SCAMP4: variants seen among roughly 807,000 people sequenced by gnomAD.
The protein encoded by SCAMP4 is secretory carrier membrane protein 4, also known as secretory carrier-associated membrane protein 4.
In SCAMP4, 19 loss-of-function variants were observed where a neutral mutation model predicts 32.1. The ratio of observed to expected loss-of-function variants is 0.59; its 90% CI spans 0.41 to 0.87. The LOEUF is 0.87. Ranked by LOEUF, SCAMP4 falls within the 40% of genes least tolerant of loss-of-function variation. The pLI is 0.00. For missense variants in SCAMP4, 302 were observed against 309.0 expected, an observed-to-expected ratio of 0.98 and a Z score of 0.17; for synonymous variants, 152 against 132.7, an observed-to-expected ratio of 1.15 and a Z score of -1.00.
intron 1 of SCAMP4, chr19:1,912,938 C>T (rs754201602): frequency 6.2e-7 from 1 of 1,610,404 alleles, no homozygotes; most frequent in East Asian, 2.2e-5. Flanking sequence ...TGTGCACTGG[C>T]TACGACCTGT....
intron 4 of SCAMP4, 39 bp from the exon 5 acceptor site, chr19:1,918,850 A>C: frequency 6.4e-7 from 1 of 1,573,398 alleles, no homozygotes; most frequent in Non-Finnish European, 8.6e-7. Flanking sequence ...GGGAGAAGCC[A>C]GGGCTGTGGT....
At chr19:1,905,601 T>C (rs2013062119) in intron 1 of SCAMP4, 162 bp downstream of exon 1, 1 of 165,218 alleles carries the variant, frequency 6.1e-6, no homozygotes, top group African/African-American at 2.5e-5. Flanking sequence ...GGCGGGCCGG[T>C]GGGCGACGCG....
Position 1,924,483 on chromosome 19 carries a change from C to A in SCAMP4, c.*199C>A. On this transcript the variant is annotated 3_prime_UTR_variant, in exon 7 of 7. Coordinates refer to ENST00000316097, the MANE Select transcript of SCAMP4 (RefSeq NM_079834.4). ...TCTCATCCGAGAGCGGAGTTCCTCA[C>A]AAGCACTCCCCAGCAGCCCTTGGCC... 1.7e-6 allele frequency: 1 copy of A among 595,908 alleles called. No individual in the cohort carries two copies. The highest frequency in any genetic ancestry group is 2.0e-5 in the South Asian group (1 of 51,030). The allele number at this position is 595,908 out of a possible 1,614,324, so 36.9% of individuals were successfully genotyped here. A position where few individuals can be genotyped will look rare whatever the true frequency, so the allele number is the denominator to read the frequency against.
rs1361754686 is a variant in SCAMP4, at chr19:1,908,965, C to T, written c.-42+3526C>T. ...ACTGAAAATACAAAAATTAGCCGGGCGTGGTGGCATGTGCCTGTATTCCCA... is the reference window on the plus strand; with the variant it reads ...ACTGAAAATACAAAAATTAGCCGGGTGTGGTGGCATGTGCCTGTATTCCCA... On this transcript the variant is annotated intron_variant, in intron 1 of 6. Coordinates refer to ENST00000316097, the MANE Select transcript of SCAMP4 (RefSeq NM_079834.4). The surrounding 1 kb of genome is among the most constrained non-coding windows in gnomAD (Gnocchi z 4.2). 2.0e-5 allele frequency among the ~76,000 whole-genome samples: 3 copies of T among 152,022 alleles called. No homozygotes were observed. Among genetic ancestry groups the T allele is most frequent in the Non-Finnish European group, 2.9e-5 (2 of 68,002 alleles).
At chr19:1,906,436 G>A (rs944102160) in intron 1 of SCAMP4, 14 of 151,976 alleles carry the variant, frequency 9.2e-5, no homozygotes, top group Admixed American at 3.9e-4. Flanking sequence ...CTACTTGGGA[G>A]GCTGAGGCAG....
rs907795157 is a variant in SCAMP4, at chr19:1,917,686, C to T, written c.8-8C>T. On this transcript the variant is annotated splice_region_variant and splice_polypyrimidine_tract_variant and intron_variant, in intron 2 of 6. Coordinates refer to ENST00000316097, the MANE Select transcript of SCAMP4 (RefSeq NM_079834.4). ...CTGGTTCTGTCCGTGGGTTCTCTGT[C>T]CCTACAGAAAAGGAGAACAACTTCC... 1.2e-6 allele frequency: 2 copies of T among 1,613,900 alleles called. No homozygotes were observed. The highest frequency in any genetic ancestry group is 1.7e-6 in the Non-Finnish European group (2 of 1,179,852).
chr19:1,922,583 A>T (rs890520305), intron 5 of SCAMP4: 41 of 985,292 alleles, frequency 4.2e-5, no homozygotes, highest in Non-Finnish European at 4.8e-5. Flanking sequence ...TGATGGTGGC[A>T]GATTTTCCAT....
rs2013970707 is a variant in SCAMP4, at chr19:1,923,061, C to T, written c.396-9C>T. 1 of 1,546,510 alleles carries T rather than the reference C, an allele frequency of 6.5e-7. No individual in the cohort carries two copies. Among genetic ancestry groups the T allele is most frequent in the Non-Finnish European group, 8.7e-7 (1 of 1,144,640 alleles). ...TGCAGGCACCCACGCACTCTCTTGT[C>T]CCTTGCAGCGGCTGGCTGTCGGCAA... On this transcript the variant is annotated splice_polypyrimidine_tract_variant and intron_variant, in intron 5 of 6. Transcript: ENST00000316097.
intron 5 of SCAMP4, chr19:1,922,211 G>A (rs1460699578): frequency 2.8e-5 from 28 of 985,322 alleles, no homozygotes; most frequent in South Asian, 4.7e-5. Context: ...GACCCAGGGC[G>A]TGCTGGCCTT....
chr19:1,914,875 G>A, intron 1 of SCAMP4, 104 bp from the exon 2 acceptor site: 1 of 938,718 alleles, frequency 1.1e-6, no homozygotes, highest in East Asian at 2.5e-5. Context: ...GCTGTTTCCA[G>A]AGCACAGGGC....
Position 1,925,822 on chromosome 19 carries a change from C to G in SCAMP4, c.*1538C>G, listed in dbSNP as rs2014080277. On this transcript the variant is annotated 3_prime_UTR_variant, in exon 7 of 7. Coordinates refer to ENST00000316097, the MANE Select transcript of SCAMP4 (RefSeq NM_079834.4). The stretch of plus-strand genomic sequence containing the variant: ...CGGCCATGCTTCAGGGTCTTCAGGT[C>G]CTGCCCCCGGCCAGTCTGCCAAGAG... The G allele has an allele frequency of 6.5e-6, 1 of 152,682 alleles. No homozygotes were observed. The highest frequency in any genetic ancestry group is 2.1e-4 in the South Asian group (1 of 4,830). 9.5% of individuals were successfully genotyped at this position (152,682 alleles called of 1,614,324 possible).
At chr19:1,921,114 T>C in intron 5 of SCAMP4, 1 of 985,432 alleles carries the variant, frequency 1.0e-6, no homozygotes, top group East Asian at 1.1e-4. Context: ...TGTCCACCGT[T>C]GGCTTAGTGA....
At chr19:1,910,338 G>C (rs897735969) in intron 1 of SCAMP4, among the ~76,000 whole-genome samples, 3 of 152,214 alleles carry the variant, frequency 2.0e-5, no homozygotes, top group Non-Finnish European at 2.9e-5. Context: ...TGGCCCTTCT[G>C]TCTGGAAGCC....
intron 1 of SCAMP4, chr19:1,913,376 C>G: frequency 3.0e-6 from 2 of 660,358 alleles, no homozygotes; most frequent in Non-Finnish European, 2.6e-6. Flanking sequence ...GCCGCCCTTG[C>G]TGCGTTTGTG....
rs2014061430 is a variant in SCAMP4 at position 1,925,237 on chromosome 19, ACAGTT to A, written c.*954_*958del. ...CTCAGCCTCCCAAATAGCTGGGATT[ACAGTT>A]GCCTGCCACCACGCCCAGCTAATTT... is the stretch of plus-strand genomic sequence containing the variant. On this transcript the variant is annotated 3_prime_UTR_variant, in exon 7 of 7. Coordinates refer to ENST00000316097, the MANE Select transcript of SCAMP4 (RefSeq NM_079834.4). 1.3e-5 allele frequency: 2 copies of A among 152,204 alleles called. No individual in the cohort carries two copies. The highest frequency in any genetic ancestry group is 2.4e-5 in the African/African-American group (1 of 41,414). The allele number at this position is 152,204 out of a possible 1,614,324, so 9.4% of individuals were successfully genotyped here.
intron 1 of SCAMP4, among the ~76,000 whole-genome samples, chr19:1,909,179 T>G (rs2013302198): frequency 6.9e-6 from 1 of 145,042 alleles, no homozygotes; most frequent in Non-Finnish European, 1.5e-5. Context: ...TGCGAGTCTG[T>G]GGGGGCAGAT....
chr19:1,919,189 C>CG, intron 5 of SCAMP4, 199 bp downstream of exon 5: 1 of 1,421,374 alleles, frequency 7.0e-7, no homozygotes, highest in Non-Finnish European at 9.2e-7. Context: ...AGCCATGGTT[C>CG]GCGATTGTAG....
rs763873341 is a variant in SCAMP4 at position 1,918,882 on chromosome 19, TC to T, written c.294-3del. 1.9e-6 allele frequency: 3 copies of T among 1,598,530 alleles called. No individual in the cohort carries two copies. The highest frequency in any genetic ancestry group is 2.3e-5 in the South Asian group (2 of 88,364). ...TGGTAACCGTCGTGTTTTCTGTCCC[TC>T]CCCAGAGCCGACAGCTCCTTTAATT... On this transcript the variant is annotated splice_polypyrimidine_tract_variant and splice_region_variant and intron_variant, in intron 4 of 6. Transcript: ENST00000316097.
chr19:1,908,509 C>T lies in SCAMP4; in HGVS notation c.-42+3070C>T, dbSNP rs764117302. On this transcript the variant is annotated intron_variant, in intron 1 of 6. Coordinates refer to ENST00000316097, the MANE Select transcript of SCAMP4 (RefSeq NM_079834.4). This position sits in a 1 kb window ranked among gnomAD's most constrained non-coding sequence, Gnocchi z 4.2. ...CTGCGGGAGGAGCCGTCCATACCAG[C>T]GGGGATGTGTAGTCCAGGCTGGCAG... 14 of 470,946 alleles carry T rather than the reference C, an allele frequency of 3.0e-5. No homozygotes were observed. The highest frequency in any genetic ancestry group is 4.8e-5 in the Non-Finnish European group (11 of 227,032). 29.2% of individuals were successfully genotyped at this position (470,946 alleles called of 1,614,324 possible). A position where few individuals can be genotyped will look rare whatever the true frequency, so the allele number is the denominator to read the frequency against.
Sources: allele counts gnomAD v4.1 joint callset (sites outside exome capture counted in the v4.1 genomes callset), GRCh38; gene constraint gnomAD v4.1.1; non-coding constraint Gnocchi (gnomAD v3.1); transcripts MANE v1.5; gene names NCBI Gene and HGNC (gene_info 2026-07-23, HGNC 2026-07-21).